SIM1: variants seen among roughly 807,000 people sequenced by gnomAD.
SIM1 encodes the protein single-minded homolog 1.
In SIM1, 18 loss-of-function variants were observed where a neutral mutation model predicts 78.2. The ratio of observed to expected loss-of-function variants is 0.23; its 90% confidence interval spans 0.16 to 0.34. The LOEUF is 0.34. Ranked by LOEUF, SIM1 falls within the 10% of genes least tolerant of loss-of-function variation. SIM1 has a pLI of 1.00. For synonymous variants in SIM1, 417 were observed against 385.2 expected (o/e 1.08, Z -0.97); for missense variants, 939 against 975.1 (o/e 0.96, Z 0.49).
At chr6:100,453,959 G>T in intron 2 of SIM1, 115 bp from the exon 3 acceptor site, 3 of 639,126 alleles carry the variant, frequency 4.7e-6, no homozygotes, top group East Asian at 3.1e-5. Flanking sequence ...GGATACCATA[G>T]GGGATCCCTC....
intron 6 of SIM1, among the ~76,000 whole-genome samples, chr6:100,448,955 G>A (rs1772437968): frequency 6.6e-6 from 1 of 152,176 alleles, no homozygotes; most frequent in Non-Finnish European, 1.5e-5. Context: ...CCTGAAACCT[G>A]CTAATGACGT....
intron 2 of SIM1, among the ~76,000 whole-genome samples, chr6:100,461,038 ACACT>A (rs1280583960): frequency 1.4e-5 from 2 of 148,072 alleles, no homozygotes; most frequent in East Asian, 4.1e-4. Context: ...CCATAAACTC[ACACT>A]CACCCACAGA....
intron 9 of SIM1, among the ~76,000 whole-genome samples, chr6:100,435,141 T>A (rs1396261751): frequency 6.6e-6 from 1 of 152,146 alleles, no homozygotes; most frequent in African/African-American, 2.4e-5. Context: ...AGGTCCCAAG[T>A]ATACCCAAAC....
chr6:100,410,235 T>C (rs1771159232), intron 10 of SIM1, among the ~76,000 whole-genome samples: 1 of 152,332 alleles, frequency 6.6e-6, no homozygotes, highest in African/African-American at 2.4e-5. Context: ...TTTTATTCTA[T>C]AGATTTTGTT....
intron 3 of SIM1, among the ~76,000 whole-genome samples, chr6:100,453,082 T>C (rs1204686886): frequency 6.6e-6 from 1 of 152,194 alleles, no homozygotes; most frequent in Non-Finnish European, 1.5e-5. Flanking sequence ...GGTTTTGCAA[T>C]TTAAAATATT....
chr6:100,447,168 G>T, intron 9 of SIM1, 100 bp downstream of exon 9: 1 of 1,383,356 alleles, frequency 7.2e-7, no homozygotes, highest in Non-Finnish European at 9.9e-7. Context: ...GGCATTCCCC[G>T]TGGCCCGAGC....
chr6:100,463,433 C>T lies in SIM1; in HGVS notation c.36G>A (p.Arg12=), dbSNP rs758567860. The change falls in exon 2 of 12, where the codon AGG becomes AGA. Residue 12 remains arginine, a synonymous_variant. Coordinates refer to ENST00000369208, the MANE Select transcript of SIM1 (RefSeq NM_005068.3). Reference sequence around the variant, plus strand: ...AAAATTCACTGTTTTCCTTCTCCCTCCTAGTCCGCGCAGCATTTTTGGACT... The same window carrying T: ...AAAATTCACTGTTTTCCTTCTCCCTTCTAGTCCGCGCAGCATTTTTGGACT... ...KEKSKNAART[R]REKENSEFYE... 1.2e-6 allele frequency: 2 copies of T among 1,612,698 alleles called. No homozygotes were observed. The highest frequency in any genetic ancestry group is 3.3e-5 in the Admixed American group (2 of 59,986).
At position 100,388,747 on chromosome 6, in the gene SIM1, T is replaced by G. The variant is rs894833081; in HGVS notation, c.*1614A>C. The G allele has an allele frequency of 1.3e-5, 2 of 152,168 alleles. No individual in the cohort carries two copies. Among genetic ancestry groups the G allele is most frequent in the African/African-American group, 2.4e-5 (1 of 41,448 alleles). The allele number at this position is 152,168 out of a possible 1,614,324, so 9.4% of individuals were successfully genotyped here. The stretch of plus-strand genomic sequence containing the variant: ...TTTTGGGCACGGGACTCCTAGGAAA[T>G]ATTATCTATGAAATCTCTCTAATCA... On this transcript the variant is annotated 3_prime_UTR_variant, in exon 12 of 12. Coordinates refer to ENST00000369208, the MANE Select transcript of SIM1 (RefSeq NM_005068.3).
In SIM1 at chr6:100,389,346, G is replaced by T. The variant is rs1278065956; in HGVS notation, c.*1015C>A. 4 of 346,954 alleles carry T rather than the reference G, an allele frequency of 1.2e-5. No homozygotes were observed. Among genetic ancestry groups the T allele is most frequent in the East Asian group, 4.3e-5 (1 of 23,498 alleles). 21.5% of individuals were successfully genotyped at this position (346,954 alleles called of 1,614,324 possible). ...CATGTTGTCACATTGGCACATATGT[G>T]CTTTGAAACGTTTTCAAACACTTAA... On this transcript the variant is annotated 3_prime_UTR_variant, in exon 12 of 12. Coordinates refer to ENST00000369208, the MANE Select transcript of SIM1 (RefSeq NM_005068.3).
At chr6:100,412,569 AAGAAAG>A (rs1562239412) in intron 10 of SIM1, among the ~76,000 whole-genome samples, 7 of 107,570 alleles carry the variant, frequency 6.5e-5, no homozygotes, top group Admixed American at 1.0e-4. Flanking sequence ...GAAAGAAAGA[AAGAAAG>A]AAAGAAAGAA....
At chr6:100,401,462 T>C (rs62420428) in intron 10 of SIM1, among the ~76,000 whole-genome samples, 2 of 152,048 alleles carry the variant, frequency 1.3e-5, no homozygotes, top group African/African-American at 4.8e-5. Flanking sequence ...ATATTGATAA[T>C]TGTGCTGTGG....
intron 9 of SIM1, among the ~76,000 whole-genome samples, chr6:100,432,410 A>C (rs1295273534): frequency 6.6e-6 from 1 of 152,112 alleles, no homozygotes; most frequent in African/African-American, 2.4e-5. Flanking sequence ...TTGAGAGCTA[A>C]ACCAGTTGTT....
intron 9 of SIM1, among the ~76,000 whole-genome samples, chr6:100,421,615 G>A (rs1485514206): frequency 6.6e-6 from 1 of 152,034 alleles, no homozygotes; most frequent in Non-Finnish European, 1.5e-5. Context: ...TAATATACTG[G>A]GGAGAAGAAA....
intron 10 of SIM1, among the ~76,000 whole-genome samples, chr6:100,404,828 T>C (rs530271614): frequency 6.6e-6 from 1 of 152,284 alleles, no homozygotes; most frequent in South Asian, 2.1e-4. Context: ...TAAATGACAA[T>C]AATGCAACTT....
intron 9 of SIM1, among the ~76,000 whole-genome samples, chr6:100,430,804 T>G (rs529200192): frequency 6.6e-6 from 1 of 152,296 alleles, no homozygotes; most frequent in South Asian, 2.1e-4. Flanking sequence ...TATCTAGTTC[T>G]TAGCAAAACT....
chr6:100,447,369 C>T lies in SIM1; in HGVS notation c.897G>A (p.Ala299=), dbSNP rs1272029649. 3.1e-6 allele frequency: 5 copies of T among 1,614,238 alleles called. No individual in the cohort carries two copies. Among genetic ancestry groups the T allele is most frequent in the Non-Finnish European group, 4.2e-6 (5 of 1,180,048 alleles). The part of the protein sequence containing the change: ...QVTTKYYRFL[A]KHGGWVWVQS... ...GCACCCATACCCAGCCGCCGTGTTT[C>T]GCCAGGAACCTGTAGTACTTGGTGG... Residue 299 remains alanine, a synonymous_variant, in exon 9 of 12, where the codon GCG becomes GCA. Transcript: ENST00000369208.
chr6:100,394,146 T>C (rs1770715150), intron 10 of SIM1: 1 of 369,774 alleles, frequency 2.7e-6, no homozygotes, highest in South Asian at 5.4e-5. Context: ...ATGGCAACCA[T>C]CGACTGAAGT....
Position 100,448,459 on chromosome 6 carries a change from T to C in SIM1, c.743+20A>G. ...CCGCCCTCAGGCTAGGAGAGGCCCTTTCCGGCCCTGCCCACCCACCTGGAG... is the reference window on the plus strand; with the variant it reads ...CCGCCCTCAGGCTAGGAGAGGCCCTCTCCGGCCCTGCCCACCCACCTGGAG... On this transcript the variant is annotated intron_variant, in intron 7 of 11. Transcript: ENST00000369208. 1 of 1,611,646 alleles carries C rather than the reference T, an allele frequency of 6.2e-7. No homozygotes were observed.
intron 4 of SIM1, among the ~76,000 whole-genome samples, chr6:100,450,013 C>T (rs1234768021): frequency 1.3e-5 from 2 of 152,266 alleles, no homozygotes; most frequent in East Asian, 1.9e-4. Context: ...AAGTATGTAA[C>T]GTCCTCTCAT....
Sources: allele counts gnomAD v4.1 joint callset (sites outside exome capture counted in the v4.1 genomes callset), GRCh38; gene constraint gnomAD v4.1.1; transcripts MANE v1.5; gene names NCBI Gene and HGNC (gene_info 2026-07-23, HGNC 2026-07-21).